Variants in HHAT observed in about 807,000 individuals in gnomAD.
The protein encoded by HHAT is hedgehog acyltransferase.
Under a neutral mutation model 70.8 loss-of-function variants are expected in HHAT, and 47 were observed. The ratio of observed to expected loss-of-function variants is 0.66; its 90% confidence interval spans 0.53 to 0.85. The LOEUF (loss-of-function observed/expected upper bound fraction) is 0.85, where lower values mean the gene tolerates loss of function less well. HHAT is among the 40% of genes least tolerant of loss of function. HHAT has a pLI of 0.00. For synonymous variants in HHAT, 228 were observed against 247.6 expected (o/e 0.92, Z 0.74); for missense variants, 609 against 604.8 (o/e 1.01, Z -0.07).
intron 9 of HHAT, among the ~76,000 whole-genome samples, chr1:210,544,378 T>G (rs532661179): frequency 7.2e-6 from 1 of 138,196 alleles, no homozygotes; most frequent in East Asian, 2.0e-4. Context: ...TTTTTTTTTT[T>G]TTTTTTTTTT....
At chr1:210,399,563 G>A (rs1162075089) in intron 4 of HHAT, among the ~76,000 whole-genome samples, 1 of 152,138 alleles carries the variant, frequency 6.6e-6, no homozygotes, top group South Asian at 2.1e-4. Flanking sequence ...AATCCACAGA[G>A]ATGGAGTCAT....
At chr1:210,616,243 A>G (rs1667705976) in intron 10 of HHAT, among the ~76,000 whole-genome samples, 1 of 152,020 alleles carries the variant, frequency 6.6e-6, no homozygotes, top group Non-Finnish European at 1.5e-5. Context: ...TATTGTTATT[A>G]ACTATATAGT....
chr1:210,456,929 C>T (rs1379891352), intron 7 of HHAT, among the ~76,000 whole-genome samples: 2 of 152,324 alleles, frequency 1.3e-5, no homozygotes, highest in African/African-American at 4.8e-5. Context: ...GCACTTGCTG[C>T]TCTGGAGTAT....
At chr1:210,572,740 A>C (rs1006140927) in intron 9 of HHAT, among the ~76,000 whole-genome samples, 6 of 152,050 alleles carry the variant, frequency 3.9e-5, no homozygotes, top group African/African-American at 1.5e-4. Context: ...AAATATATAA[A>C]AAAAAATGTA....
intron 1 of HHAT, among the ~76,000 whole-genome samples, chr1:210,346,996 A>T (rs1286322340): frequency 1.3e-5 from 2 of 152,248 alleles, no homozygotes; most frequent in Non-Finnish European, 2.9e-5. Context: ...GGTAATTAAC[A>T]TACCCATCAC....
At chr1:210,386,459 C>T (rs1239350381) in intron 3 of HHAT, among the ~76,000 whole-genome samples, 1 of 151,110 alleles carries the variant, frequency 6.6e-6, no homozygotes, top group Non-Finnish European at 1.5e-5. Context: ...GGGATGGTCT[C>T]GATCTCCTGA....
intron 8 of HHAT, among the ~76,000 whole-genome samples, chr1:210,507,360 T>C (rs1415294900): frequency 1.3e-5 from 1 of 79,602 alleles, no homozygotes; most frequent in Non-Finnish European, 3.3e-5. Flanking sequence ...TTCTTTTTTC[T>C]TTTTTTTTTT....
At chr1:210,569,373 C>CATAAAAAAAAAAAA (rs1553275136) in intron 9 of HHAT, among the ~76,000 whole-genome samples, 1 of 28,338 alleles carries the variant, frequency 3.5e-5, no homozygotes, top group Non-Finnish European at 6.3e-5. Context: ...GAGTCTGCCT[C>CATAAAAAAAAAAAA]AAAAAAAAAA....
chr1:210,548,853 C>T (rs115836052), intron 9 of HHAT, among the ~76,000 whole-genome samples: 4,383 of 152,256 alleles, frequency 0.029, 193 homozygotes, highest in African/African-American at 0.095. Flanking sequence ...AGGCAGGTCC[C>T]GAAGTGCCTG....
At chr1:210,411,171 T>C (rs2092539975) in intron 6 of HHAT, among the ~76,000 whole-genome samples, 1 of 152,170 alleles carries the variant, frequency 6.6e-6, no homozygotes, top group African/African-American at 2.4e-5. Flanking sequence ...TTCTTGATTA[T>C]CTTGGGGGCT....
intron 2 of HHAT, among the ~76,000 whole-genome samples, chr1:210,357,692 C>T (rs527256730): frequency 6.6e-4 from 100 of 152,152 alleles, no homozygotes; most frequent in African/African-American, 2.2e-3. Context: ...TGGTGGCGGG[C>T]GCCTGTAGTC....
chr1:210,385,257 T>TTC (rs1553337912), intron 3 of HHAT, among the ~76,000 whole-genome samples: 2 of 134,658 alleles, frequency 1.5e-5, no homozygotes, highest in African/African-American at 5.3e-5. Context: ...TTTTTCTTTT[T>TTC]TTTTTTTTTT....
At chr1:210,419,936 G>A (rs1194475754) in intron 7 of HHAT, among the ~76,000 whole-genome samples, 6 of 152,156 alleles carry the variant, frequency 3.9e-5, no homozygotes, top group South Asian at 2.1e-4. Context: ...TCAAAATGGG[G>A]CTTAAACAAT....
At chr1:210,458,891 G>A (rs1242249321) in intron 7 of HHAT, among the ~76,000 whole-genome samples, 1 of 152,266 alleles carries the variant, frequency 6.6e-6, no homozygotes, top group East Asian at 1.9e-4. Context: ...AAGAAGGGCT[G>A]GGTAGGTATG....
intron 3 of HHAT, among the ~76,000 whole-genome samples, chr1:210,377,832 G>A (rs577866042): frequency 1.7e-4 from 26 of 152,350 alleles, no homozygotes; most frequent in Admixed American, 1.3e-3. Flanking sequence ...CAGTAGAACA[G>A]GGCAGCCTGT....
At chr1:210,658,565 G>A (rs562136061) in intron 11 of HHAT, among the ~76,000 whole-genome samples, 3 of 151,934 alleles carry the variant, frequency 2.0e-5, no homozygotes, top group Admixed American at 2.0e-4. Context: ...ATTGACATTG[G>A]GGTGTTCTGT....
At chr1:210,466,112 C>CGCAAGGAATCGCAAGGAATGAATT (rs1558574332) in intron 8 of HHAT, among the ~76,000 whole-genome samples, 3 of 119,968 alleles carry the variant, frequency 2.5e-5, no homozygotes, top group African/African-American at 7.0e-5. Context: ...TGCAAGGAAT[C>CGCAAGGAATCGCAAGGAATGAATT]GCAAGGAATC....
At chr1:210,633,226 C>A (rs1038571681) in intron 11 of HHAT, among the ~76,000 whole-genome samples, 2 of 152,200 alleles carry the variant, frequency 1.3e-5, no homozygotes, top group African/African-American at 4.8e-5. Flanking sequence ...AGAAACAGTT[C>A]ATGAGTCCAG....
At chr1:210,589,371 G>C (rs1661169828) in intron 10 of HHAT, 2 of 152,190 alleles carry the variant, frequency 1.3e-5, no homozygotes, top group South Asian at 4.1e-4. Flanking sequence ...GCCATCAGCA[G>C]GAAAGAAATG....
Sources: gnomAD v4.1 joint callset for allele counts (sites outside exome capture counted in the v4.1 genomes callset) on GRCh38, gnomAD v4.1.1 for gene constraint, MANE v1.5 for transcripts, NCBI Gene and HGNC (gene_info 2026-07-23, HGNC 2026-07-21) for gene names.